Variants in MAST4 observed in about 807,000 individuals in gnomAD.
MAST4 encodes microtubule-associated serine/threonine-protein kinase 4.
MAST4 carries 89 observed loss-of-function variants against 162.7 expected under a neutral mutation model. That is an observed-to-expected ratio of 0.55 (90% CI 0.46 to 0.65). The LOEUF is 0.65. Among genes scored for constraint, MAST4 ranks in the 30% least tolerant of loss-of-function variants. MAST4 has a pLI of 0.00. For synonymous variants in MAST4, 1,479 were observed against 1,361.1 expected, an observed-to-expected ratio of 1.09 and a Z score of -1.91; for missense variants, 3,153 against 3,374.0, an observed-to-expected ratio of 0.93 and a Z score of 1.62.
intron 24 of MAST4, 54 bp from the exon 25 acceptor site, chr5:67,152,583 C>A (rs1771964999): frequency 6.8e-7 from 1 of 1,475,568 alleles, no homozygotes; most frequent in Admixed American, 1.7e-5. Context: ...GGGTTGCCTG[C>A]ATGGATGCTT....
chr5:66,898,003 G>A (rs1317203266), intron 3 of MAST4, among the ~76,000 whole-genome samples: 4 of 152,166 alleles, frequency 2.6e-5, no homozygotes, highest in African/African-American at 9.7e-5. Context: ...ATATATAGTT[G>A]AAATAACATC....
At chr5:66,616,049 A>G (rs1013900976) in intron 1 of MAST4, among the ~76,000 whole-genome samples, 1 of 152,204 alleles carries the variant, frequency 6.6e-6, no homozygotes, top group African/African-American at 2.4e-5. Context: ...TCATCTTCAT[A>G]GCCACAGCAG....
chr5:66,614,162 TTTCCCTGGCCCGGAACATCTTATCC>T (rs1490279339), intron 1 of MAST4, among the ~76,000 whole-genome samples: 2 of 152,208 alleles, frequency 1.3e-5, no homozygotes, highest in Non-Finnish European at 2.9e-5. Context: ...CCTACTTACT[TTTCCCTGGCCCGGAACATCTTATCC>T]TTCACCTTTC....
intron 1 of MAST4, among the ~76,000 whole-genome samples, chr5:66,752,173 C>T (rs952985173): frequency 1.3e-5 from 2 of 152,132 alleles, no homozygotes; most frequent in Non-Finnish European, 2.9e-5. Context: ...ACAACCGGTA[C>T]CAGCTGCTGC....
At chr5:67,136,140 TAAGA>T (rs1434881275) in intron 18 of MAST4, among the ~76,000 whole-genome samples, 3 of 152,164 alleles carry the variant, frequency 2.0e-5, no homozygotes, top group African/African-American at 7.2e-5. Flanking sequence ...TTGAGGAAAT[TAAGA>T]GAGAAAAATC....
intron 4 of MAST4, among the ~76,000 whole-genome samples, chr5:66,971,166 G>C (rs957257420): frequency 1.3e-5 from 2 of 152,146 alleles, no homozygotes; most frequent in African/African-American, 4.8e-5. Context: ...TTCTTGCTTG[G>C]TTCCCTAGAT....
chr5:67,132,643 A>G (rs1769127130), intron 16 of MAST4, among the ~76,000 whole-genome samples: 1 of 152,120 alleles, frequency 6.6e-6, no homozygotes, highest in Non-Finnish European at 1.5e-5. Flanking sequence ...TTTTTTCCCC[A>G]GATGACTAGC....
intron 1 of MAST4, among the ~76,000 whole-genome samples, chr5:66,720,161 T>A (rs1751103976): frequency 1.7e-5 from 2 of 119,494 alleles, no homozygotes; most frequent in Admixed American, 1.9e-4. Flanking sequence ...AAAATTTTTT[T>A]ATCAGGAATG....
intron 2 of MAST4, 63 bp from the exon 3 acceptor site, chr5:66,788,607 C>CCAACCAAAAAAAAA: frequency 5.8e-6 from 8 of 1,373,686 alleles, no homozygotes; most frequent in East Asian, 2.7e-5. Flanking sequence ...CCCCCACCCC[C>CCAACCAAAAAAAAA]ATTGCAATAA....
At chr5:66,932,788 A>G (rs1461596427) in intron 4 of MAST4, among the ~76,000 whole-genome samples, 1 of 152,162 alleles carries the variant, frequency 6.6e-6, no homozygotes, top group African/African-American at 2.4e-5. Flanking sequence ...TGATTTTTCT[A>G]TTAGTCTTTG....
At chr5:67,031,136 G>A (rs79433726) in intron 4 of MAST4, among the ~76,000 whole-genome samples, 5,123 of 152,090 alleles carry the variant, frequency 0.034, 128 homozygotes, top group Non-Finnish European at 0.051. Context: ...AAATGTATGC[G>A]TTTATTAAAT....
chr5:66,609,574 A>G (rs1464745507), intron 1 of MAST4, among the ~76,000 whole-genome samples: 1 of 150,312 alleles, frequency 6.7e-6, no homozygotes, highest in African/African-American at 2.5e-5. Context: ...TTTTTTAAAT[A>G]CTGGGTTTTG....
chr5:66,913,534 T>G (rs2150021937), intron 4 of MAST4, among the ~76,000 whole-genome samples: 1 of 152,340 alleles, frequency 6.6e-6, no homozygotes, highest in East Asian at 1.9e-4. Flanking sequence ...CACTGGACAT[T>G]TGGGTTGTTT....
chr5:66,747,196 T>C (rs1752823017), intron 1 of MAST4, among the ~76,000 whole-genome samples: 1 of 151,972 alleles, frequency 6.6e-6, no homozygotes, highest in Non-Finnish European at 1.5e-5. Context: ...GATAGCAGTA[T>C]CAAAGTGCTA....
intron 1 of MAST4, among the ~76,000 whole-genome samples, chr5:66,716,253 A>G (rs1349623676): frequency 6.6e-6 from 1 of 152,208 alleles, no homozygotes; most frequent in African/African-American, 2.4e-5. Flanking sequence ...TTAAAATTTC[A>G]TTATTTACAG....
intron 4 of MAST4, among the ~76,000 whole-genome samples, chr5:67,028,293 G>A (rs142801242): frequency 9.8e-4 from 149 of 152,168 alleles, no homozygotes; most frequent in African/African-American, 3.5e-3. Flanking sequence ...AATAGCTATC[G>A]TACAGAGACT....
chr5:67,118,376 G>A (rs1767170048), intron 12 of MAST4, among the ~76,000 whole-genome samples: 1 of 152,224 alleles, frequency 6.6e-6, no homozygotes, highest in African/African-American at 2.4e-5. Context: ...AAGCAGAGTT[G>A]TTGACCCACC....
chr5:66,964,034 TC>T, intron 4 of MAST4: 1 of 652,528 alleles, frequency 1.5e-6, no homozygotes, highest in Non-Finnish European at 2.9e-6. Context: ...CATTTTGCTT[TC>T]TTAGGGAATG....
intron 5 of MAST4, among the ~76,000 whole-genome samples, chr5:67,055,917 G>A (rs1049298581): frequency 6.6e-6 from 1 of 151,638 alleles, no homozygotes; most frequent in East Asian, 1.9e-4. Context: ...TATATTGTTG[G>A]ACAACAAAAG....
Sources: gnomAD v4.1 joint callset for allele counts (sites outside exome capture counted in the v4.1 genomes callset) on GRCh38, gnomAD v4.1.1 for gene constraint, MANE v1.5 for transcripts, NCBI Gene and HGNC (gene_info 2026-07-23, HGNC 2026-07-21) for gene names.